COL4A2: variants seen among roughly 807,000 people sequenced by gnomAD.
COL4A2 encodes collagen alpha-2(IV) chain.
Under a neutral mutation model 200.2 loss-of-function variants are expected in COL4A2, and 99 were observed. The ratio of observed to expected loss-of-function variants is 0.49; its 90% CI spans 0.42 to 0.58. The LOEUF is 0.58. Among genes scored for constraint, COL4A2 ranks in the 20% least tolerant of loss-of-function variants. The pLI, the probability that COL4A2 is intolerant of heterozygous loss-of-function variation, is 0.00. For synonymous variants in COL4A2, 897 were observed against 900.6 expected (o/e 1.00, Z 0.07); for missense variants, 1,950 against 2,314.1 (o/e 0.84, Z 3.23).
At chr13:110,335,281 C>T (rs1039731693) in intron 3 of COL4A2, among the ~76,000 whole-genome samples, 1 of 152,188 alleles carries the variant, frequency 6.6e-6, no homozygotes, top group African/African-American at 2.4e-5. Flanking sequence ...GCTCTGTCCC[C>T]ACTCAAATCT....
chr13:110,462,549 T>TAA, intron 24 of COL4A2, 165 bp downstream of exon 24: 5 of 621,984 alleles, frequency 8.0e-6, no homozygotes, highest in African/African-American at 1.8e-5. Flanking sequence ...AAATCAGACT[T>TAA]TTTAGGAAAC....
At chr13:110,457,600 C>T (rs2139491400) in intron 21 of COL4A2, 165 bp downstream of exon 21, 5 of 701,326 alleles carry the variant, frequency 7.1e-6, no homozygotes, top group South Asian at 1.5e-5. Flanking sequence ...GAGAGGGAGG[C>T]GCATGGAGCC....
At chr13:110,507,873 G>C (rs1883938843) in intron 46 of COL4A2, 62 bp from the exon 47 acceptor site, 1 of 1,546,906 alleles carries the variant, frequency 6.5e-7, no homozygotes, top group African/African-American at 1.4e-5. Flanking sequence ...GGCCTGGCTG[G>C]GGCTGGCAGG....
At chr13:110,503,769 G>A in intron 43 of COL4A2, 78 bp from the exon 44 acceptor site, 1 of 1,556,250 alleles carries the variant, frequency 6.4e-7, no homozygotes, top group Non-Finnish European at 8.8e-7. Flanking sequence ...CCTCCCTGGT[G>A]AGAAACGCAG....
chr13:110,477,265 G>A (rs974649877), intron 29 of COL4A2, among the ~76,000 whole-genome samples: 6 of 152,138 alleles, frequency 3.9e-5, no homozygotes, highest in African/African-American at 1.2e-4. Context: ...AGAAAGAAAC[G>A]TAGATCATAA....
chr13:110,468,830 G>A (rs577818617), intron 27 of COL4A2, among the ~76,000 whole-genome samples: 3 of 152,266 alleles, frequency 2.0e-5, no homozygotes, highest in African/African-American at 4.8e-5. Context: ...CATAGTCCTC[G>A]TGGCGTCCTC....
intron 4 of COL4A2, among the ~76,000 whole-genome samples, chr13:110,363,840 T>G (rs879395126): frequency 2.6e-5 from 4 of 152,180 alleles, no homozygotes; most frequent in Non-Finnish European, 4.4e-5. Flanking sequence ...TTTGTGTGGG[T>G]GTTTCCGTGG....
intron 10 of COL4A2, 51 bp from the exon 11 acceptor site, chr13:110,432,264 AGATGTTATCT>A: frequency 6.4e-7 from 1 of 1,553,424 alleles, no homozygotes; most frequent in African/African-American, 1.4e-5. Flanking sequence ...GCTTTCCACC[AGATGTTATCT>A]GGGTCCTGGG....
At position 110,357,220 on chromosome 13, in the gene COL4A2, AT is replaced by A. The variant is rs1416717445; in HGVS notation, c.100-251del. On this transcript the variant is annotated intron_variant, in intron 3 of 47. Transcript: ENST00000360467. Reference sequence around the variant, plus strand: ...TCCAACCTGTACATCCTGGTGCAGGATGTCGATGGTGGGGGATTTCAGGGGT... The same window carrying A: ...TCCAACCTGTACATCCTGGTGCAGGAGTCGATGGTGGGGGATTTCAGGGGT... 5.3e-5 allele frequency among the ~76,000 whole-genome samples: 8 copies of A among 152,098 alleles called. No individual in the cohort carries two copies. The South Asian group carries it at 1.7e-3, about 32-fold the overall frequency.
intron 26 of COL4A2, 29 bp from the exon 27 acceptor site, chr13:110,467,011 G>A (rs1320506053): frequency 6.2e-7 from 1 of 1,613,836 alleles, no homozygotes; most frequent in African/African-American, 1.3e-5. Flanking sequence ...GGATTGCTTG[G>A]GCTCATCTTT....
intron 28 of COL4A2, among the ~76,000 whole-genome samples, chr13:110,472,098 A>C (rs1882489220): frequency 7.1e-6 from 1 of 139,902 alleles, no homozygotes; most frequent in Non-Finnish European, 1.5e-5. Context: ...ATGGGACTTG[A>C]TGATTTTCTT....
At chr13:110,340,651 G>T (rs1271110270) in intron 3 of COL4A2, among the ~76,000 whole-genome samples, 1 of 152,188 alleles carries the variant, frequency 6.6e-6, no homozygotes, top group African/African-American at 2.4e-5. Flanking sequence ...GGCAGCTGCG[G>T]AAGAAAGGAG....
intron 4 of COL4A2, among the ~76,000 whole-genome samples, chr13:110,419,923 A>G (rs1594203896): frequency 6.6e-6 from 1 of 151,982 alleles, no homozygotes. Context: ...CTGAGCCCCA[A>G]CTCCATGCTT....
chr13:110,444,071 A>G (rs980507846), intron 16 of COL4A2, among the ~76,000 whole-genome samples: 1 of 152,062 alleles, frequency 6.6e-6, no homozygotes, highest in Non-Finnish European at 1.5e-5. Flanking sequence ...GTTTTAGCTC[A>G]TTGCTTTGGC....
intron 4 of COL4A2, among the ~76,000 whole-genome samples, chr13:110,372,811 T>A (rs898892071): frequency 6.6e-6 from 1 of 152,272 alleles, no homozygotes; most frequent in African/African-American, 2.4e-5. Flanking sequence ...AGGTGTTTCC[T>A]ATGCCTTTGG....
intron 3 of COL4A2, among the ~76,000 whole-genome samples, chr13:110,336,882 G>C (rs556100294): frequency 3.3e-4 from 50 of 152,274 alleles, no homozygotes; most frequent in African/African-American, 1.2e-3. Flanking sequence ...ATTCAGCCTG[G>C]GGCTGGCATC....
At chr13:110,456,163 C>A (rs1327309947) in intron 20 of COL4A2, among the ~76,000 whole-genome samples, 2 of 152,256 alleles carry the variant, frequency 1.3e-5, no homozygotes, top group African/African-American at 4.8e-5. Flanking sequence ...CCGCCGGGAT[C>A]ATTGAGCCCT....
In COL4A2 at chr13:110,369,655, A is replaced by G. The variant is rs569409687; in HGVS notation, c.180+12103A>G. Among the ~76,000 whole-genome samples the G allele has an allele frequency of 2.1e-3, 318 of 152,262 alleles. 1 individual carries two copies. The highest frequency in any genetic ancestry group is 7.2e-3 in the African/African-American group (300 of 41,544). On this transcript the variant is annotated intron_variant, in intron 4 of 47. Transcript: ENST00000360467. ...GGCTATGGTTAATAAAACTGCAACA[A>G]AGGAAAATTTTAGCTTTAACACGTG...
intron 45 of COL4A2, 87 bp downstream of exon 45, chr13:110,504,351 A>G: frequency 1.7e-6 from 2 of 1,169,348 alleles, no homozygotes; most frequent in Non-Finnish European, 2.5e-6. Flanking sequence ...GGGACACACG[A>G]GAGCCCAGAA....
Sources: allele counts gnomAD v4.1 joint callset (sites outside exome capture counted in the v4.1 genomes callset), GRCh38; gene constraint gnomAD v4.1.1; transcripts MANE v1.5; gene names NCBI Gene and HGNC (gene_info 2026-07-23, HGNC 2026-07-21).